Variants in WDR27 observed in about 807,000 individuals in gnomAD.
WDR27 encodes WD repeat-containing protein 27.
In WDR27, 100 loss-of-function variants were observed where a neutral mutation model predicts 114.4. The ratio of observed to expected loss-of-function variants is 0.87; its 90% CI spans 0.74 to 1.03. The LOEUF is 1.03. Ranked by LOEUF, WDR27 falls within the 50% of genes least tolerant of loss-of-function variation. The pLI is 0.00. For missense variants in WDR27, 1,129 were observed against 1,092.9 expected (o/e 1.03, Z -0.47); for synonymous variants, 449 against 423.1 (o/e 1.06, Z -0.75).
intron 7 of WDR27, chr6:169,664,519 A>G (rs1002276722): frequency 2.9e-6 from 4 of 1,388,134 alleles, no homozygotes; most frequent in East Asian, 5.6e-5. Context: ...CTCAGGGCAC[A>G]TGGGCAGGAT....
At chr6:169,454,790 G>A (rs954393518), downstream of WDR27, among the ~76,000 whole-genome samples, 4 of 152,162 alleles carry the variant, frequency 2.6e-5, no homozygotes, top group East Asian at 1.9e-4. Flanking sequence ...CTGTAATCAC[G>A]GAGACAGCAG....
intron 25 of WDR27, among the ~76,000 whole-genome samples, chr6:169,501,419 C>T (rs1417522418): frequency 6.6e-6 from 1 of 152,228 alleles, no homozygotes; most frequent in Non-Finnish European, 1.5e-5. Flanking sequence ...GCAGATGTGC[C>T]TGCTCCCAAC....
At chr6:169,643,272 T>C (rs1819671074) in intron 17 of WDR27, among the ~76,000 whole-genome samples, 1 of 152,136 alleles carries the variant, frequency 6.6e-6, no homozygotes, top group South Asian at 2.1e-4. Context: ...TTTAACACTG[T>C]TGCTCTCAGA....
At chr6:169,622,949 C>T (rs185849201) in intron 21 of WDR27, among the ~76,000 whole-genome samples, 373 of 152,272 alleles carry the variant, frequency 2.4e-3, no homozygotes, top group Non-Finnish European at 5.0e-3. Context: ...CCCCTTCTTG[C>T]CTGGGGACCA....
At chr6:169,502,189 G>A (rs1791361802) in intron 25 of WDR27, among the ~76,000 whole-genome samples, 1 of 152,224 alleles carries the variant, frequency 6.6e-6, no homozygotes, top group Non-Finnish European at 1.5e-5. Flanking sequence ...TGCAGGGAGA[G>A]GAAGCCGCAC....
chr6:169,646,124 T>G (rs1315292868), intron 16 of WDR27, among the ~76,000 whole-genome samples: 1 of 152,228 alleles, frequency 6.6e-6, no homozygotes, highest in Non-Finnish European at 1.5e-5. Context: ...ACACAAACAC[T>G]AACATCGGCA....
chr6:169,439,555 GA>G, the WDR27 span, among the ~76,000 whole-genome samples: 1 of 152,066 alleles, frequency 6.6e-6, no homozygotes, highest in Non-Finnish European at 1.5e-5. Context: ...TGCTAACCAA[GA>G]TAATGAAGAA....
chr6:169,697,981 C>T (rs984147734), intron 1 of WDR27, among the ~76,000 whole-genome samples: 5 of 152,186 alleles, frequency 3.3e-5, no homozygotes, highest in East Asian at 1.9e-4. Flanking sequence ...TCCCTACAGG[C>T]AGAATATGAA....
rs371732036 is a variant in WDR27, at chr6:169,659,437, G to T, written c.1197+14C>A. 6.2e-7 allele frequency: 1 copy of T among 1,605,344 alleles called. No homozygotes were observed. Among genetic ancestry groups the T allele is most frequent in the Admixed American group, 1.7e-5 (1 of 58,462 alleles). ...ACGTCTCATAGACAGGGAGGGCCGCGTCTCAGGACTGACCTTTTGATCCGC... is the reference window on the plus strand; with the variant it reads ...ACGTCTCATAGACAGGGAGGGCCGCTTCTCAGGACTGACCTTTTGATCCGC... On this transcript the variant is annotated intron_variant, in intron 11 of 25. Coordinates refer to ENST00000448612, the MANE Select transcript of WDR27 (RefSeq NM_182552.5). The surrounding 1 kb of genome is among the most constrained non-coding windows in gnomAD (Gnocchi z 4.3).
rs1179111324 is a variant in WDR27, at chr6:169,621,463, T to C, written c.2224-7807A>G. Reference sequence around the variant, plus strand: ...ACATATGCACACATGCACACACACATATACATATGCACATGTGCATGCACA... The same window carrying C: ...ACATATGCACACATGCACACACACACATACATATGCACATGTGCATGCACA... On this transcript the variant is annotated intron_variant, in intron 21 of 25. Transcript: ENST00000448612. 3.3e-5 allele frequency among the ~76,000 whole-genome samples: 5 copies of C among 150,706 alleles called. No homozygotes were observed. In the East Asian group the frequency reaches 1.0e-3, roughly 30 times the overall value.
intron 3 of WDR27, 116 bp downstream of exon 3, chr6:169,672,139 C>A: frequency 2.8e-6 from 3 of 1,065,458 alleles, no homozygotes; most frequent in Non-Finnish European, 4.0e-6. Flanking sequence ...TATCCCAAAC[C>A]CCCCGAGGGA....
chr6:169,638,545 C>A lies in WDR27; in HGVS notation c.1863G>T (p.Leu621=). 1.2e-6 allele frequency: 2 copies of A among 1,611,130 alleles called. No individual in the cohort carries two copies. The highest frequency in any genetic ancestry group is 1.7e-6 in the Non-Finnish European group (2 of 1,179,106). The change falls in exon 18 of 26, where the codon CTG becomes CTT. Residue 621 remains leucine, a synonymous_variant. Coordinates refer to ENST00000448612, the MANE Select transcript of WDR27 (RefSeq NM_182552.5). ...AGAGATGACTGTCCATTACCAGAAG[C>A]AGTGCGAGCTCTGCCCCACGAGCCG... ...MWSARGAELA[L]LLGKDMFSKP...
chr6:169,604,436 A>T (rs1335954882), intron 22 of WDR27, among the ~76,000 whole-genome samples: 2 of 152,166 alleles, frequency 1.3e-5, no homozygotes, highest in East Asian at 3.8e-4. Flanking sequence ...ATCAATAATG[A>T]ATAGAAAGAC....
chr6:169,646,216 C>T (rs1302799474), intron 16 of WDR27, among the ~76,000 whole-genome samples: 1 of 152,178 alleles, frequency 6.6e-6, no homozygotes, highest in Non-Finnish European at 1.5e-5. Context: ...CCTTTGTCAT[C>T]CTCGCCATCC....
intron 16 of WDR27, among the ~76,000 whole-genome samples, chr6:169,644,519 G>A (rs1456097102): frequency 1.3e-5 from 2 of 151,356 alleles, no homozygotes; most frequent in Non-Finnish European, 3.0e-5. Flanking sequence ...TAGTTCACAG[G>A]AGTCACACTG....
At chr6:169,650,141 T>C (rs1457173279) in intron 14 of WDR27, among the ~76,000 whole-genome samples, 2 of 115,810 alleles carry the variant, frequency 1.7e-5, no homozygotes, top group African/African-American at 3.4e-5. Context: ...ATCTCTCAAC[T>C]CCGCCCCTCT....
At chr6:169,487,471 T>C (rs1402022254) in intron 25 of WDR27, among the ~76,000 whole-genome samples, 1 of 152,150 alleles carries the variant, frequency 6.6e-6, no homozygotes, top group East Asian at 1.9e-4. Context: ...GTGAGGGCTA[T>C]TCAGACACTG....
chr6:169,698,207 G>A (rs1411973774), intron 1 of WDR27, among the ~76,000 whole-genome samples: 2 of 152,144 alleles, frequency 1.3e-5, no homozygotes, highest in South Asian at 2.1e-4. Context: ...CTCTCCAGCT[G>A]CCCAACACCT....
intron 25 of WDR27, among the ~76,000 whole-genome samples, chr6:169,474,128 A>G (rs962083187): frequency 6.6e-6 from 1 of 152,342 alleles, no homozygotes; most frequent in Middle Eastern, 3.4e-3. Context: ...CCCTTATGCA[A>G]GTTTTCAGTT....
Sources: gnomAD v4.1 joint callset for allele counts (sites outside exome capture counted in the v4.1 genomes callset) on GRCh38, gnomAD v4.1.1 for gene constraint, Gnocchi (gnomAD v3.1) non-coding constraint, MANE v1.5 for transcripts, NCBI Gene and HGNC (gene_info 2026-07-23, HGNC 2026-07-21) for gene names.